WDR1: variants seen among roughly 807,000 people sequenced by gnomAD.
The protein encoded by WDR1 is WD repeat-containing protein 1.
Under a neutral mutation model 71.9 loss-of-function variants are expected in WDR1, and 21 were observed. That is an observed-to-expected ratio of 0.29 (90% CI 0.21 to 0.42). The LOEUF (loss-of-function observed/expected upper bound fraction) is 0.42, where lower values mean the gene tolerates loss of function less well. WDR1 is among the 10% of genes least tolerant of loss of function. WDR1 has a pLI of 1.00. For synonymous variants in WDR1, 424 were observed against 347.4 expected (o/e 1.22, Z -2.45); for missense variants, 696 against 824.5 (o/e 0.84, Z 1.91).
At chr4:10,103,144 G>A (rs1712782013) in intron 3 of WDR1, among the ~76,000 whole-genome samples, 8 of 152,182 alleles carry the variant, frequency 5.3e-5, no homozygotes, top group Admixed American at 5.2e-4. Flanking sequence ...AGCCCAGGCT[G>A]CAGAGAGCAA....
At chr4:10,116,586 G>A (rs1713753289) in intron 1 of WDR1, 65 bp downstream of exon 1, 3 of 1,135,462 alleles carry the variant, frequency 2.6e-6, no homozygotes, top group African/African-American at 1.6e-5. Flanking sequence ...ACGGCGCCTA[G>A]GGGCCGGGGA....
intron 5 of WDR1, chr4:10,093,168 C>A: frequency 7.8e-7 from 1 of 1,287,918 alleles, no homozygotes; most frequent in Non-Finnish European, 1.0e-6. Context: ...ATGCTCACTA[C>A]CTACCTAGTC....
intron 8 of WDR1, among the ~76,000 whole-genome samples, chr4:10,086,186 C>T (rs1035484581): frequency 1.3e-5 from 2 of 152,228 alleles, no homozygotes; most frequent in African/African-American, 4.8e-5. Context: ...CTTGGAGGCC[C>T]ACTGGAGCAT....
intron 12 of WDR1, chr4:10,078,688 G>C (rs1171204665): frequency 4.5e-5 from 24 of 527,990 alleles, no homozygotes; most frequent in Non-Finnish European, 8.1e-5. Flanking sequence ...AAGTGCCGAG[G>C]AGGGGAGGGG....
intron 2 of WDR1, among the ~76,000 whole-genome samples, chr4:10,114,437 G>A (rs1713582236): frequency 6.6e-6 from 1 of 152,218 alleles, no homozygotes; most frequent in Non-Finnish European, 1.5e-5. Context: ...ACGGACCCAT[G>A]TGGGGTGGAA....
At chr4:10,113,244 C>T (rs1239734574) in intron 2 of WDR1, among the ~76,000 whole-genome samples, 3 of 152,118 alleles carry the variant, frequency 2.0e-5, no homozygotes, top group Non-Finnish European at 4.4e-5. Flanking sequence ...ACCTGTAGTC[C>T]CCACTACTCG....
chr4:10,075,689 C>G (rs1325074161), intron 14 of WDR1: 1 of 597,038 alleles, frequency 1.7e-6, no homozygotes, highest in Non-Finnish European at 3.0e-6. Flanking sequence ...GGCCGGGTAC[C>G]TCTTTTTTGT....
rs535961384 is a variant in WDR1, at chr4:10,081,707, T to C, written c.1197-263A>G. ...GGCGGGAGGCGGTGAAAGGCGTTGA[T>C]TATGCTCCTATTTATCTGTGGTAAG... On this transcript the variant is annotated intron_variant, in intron 10 of 14. Coordinates refer to ENST00000499869, the MANE Select transcript of WDR1 (RefSeq NM_017491.5). 6.6e-5 allele frequency among the ~76,000 whole-genome samples: 10 copies of C among 150,630 alleles called. 1 individual carries two copies. Among genetic ancestry groups the C allele is most frequent in the African/African-American group, 2.4e-4 (10 of 41,134 alleles).
intron 10 of WDR1, 51 bp downstream of exon 10, chr4:10,082,971 C>T (rs964748927): frequency 1.3e-5 from 21 of 1,567,128 alleles, no homozygotes; most frequent in East Asian, 6.8e-5. Context: ...ACAAGCCCTC[C>T]GAGGGGAGCT....
At chr4:10,114,373 A>T (rs1351265932) in intron 2 of WDR1, among the ~76,000 whole-genome samples, 1 of 152,214 alleles carries the variant, frequency 6.6e-6, no homozygotes, top group African/African-American at 2.4e-5. Context: ...CATTAGAAGC[A>T]GCTCCAGTTA....
intron 11 of WDR1, 109 bp downstream of exon 11, chr4:10,081,248 C>G: frequency 1.9e-6 from 2 of 1,029,910 alleles, no homozygotes; most frequent in Non-Finnish European, 3.0e-6. Context: ...AATGAGCACT[C>G]AACCAAAACA....
chr4:10,082,903 G>T, intron 10 of WDR1, 119 bp downstream of exon 10: 1 of 1,297,212 alleles, frequency 7.7e-7, no homozygotes, highest in Non-Finnish European at 1.0e-6. Flanking sequence ...TGGGGACGGG[G>T]TGGGAGAGAT....
chr4:10,108,769 T>C (rs1208214507), intron 2 of WDR1, among the ~76,000 whole-genome samples: 1 of 152,202 alleles, frequency 6.6e-6, no homozygotes, highest in Non-Finnish European at 1.5e-5. Flanking sequence ...CTAATTATCT[T>C]TTAAGGCCCA....
At chr4:10,116,337 A>C in intron 1 of WDR1, 103 bp from the exon 2 acceptor site, 1 of 1,515,392 alleles carries the variant, frequency 6.6e-7, no homozygotes, top group Non-Finnish European at 9.0e-7. Flanking sequence ...TCACCTGTTG[A>C]CTGCGCCGGG....
chr4:10,093,919 C>G (rs1712167169), intron 5 of WDR1, among the ~76,000 whole-genome samples: 1 of 152,202 alleles, frequency 6.6e-6, no homozygotes, highest in Admixed American at 6.5e-5. Context: ...CTGTTTTGAG[C>G]TCAAATTTTC....
chr4:10,086,491 C>T (rs1046820813), intron 8 of WDR1, among the ~76,000 whole-genome samples: 1 of 152,176 alleles, frequency 6.6e-6, no homozygotes, highest in Non-Finnish European at 1.5e-5. Context: ...GCCCCTTCCT[C>T]GTGGGCAAAC....
intron 10 of WDR1, 46 bp downstream of exon 10, chr4:10,082,976 G>C (rs1200639580): frequency 1.3e-6 from 2 of 1,571,886 alleles, no homozygotes; most frequent in South Asian, 2.3e-5. Context: ...CCCTCCGAGG[G>C]GAGCTGAGGC....
At chr4:10,088,454 T>C in intron 6 of WDR1, 81 bp from the exon 7 acceptor site, 2 of 1,409,164 alleles carry the variant, frequency 1.4e-6, no homozygotes, top group African/African-American at 1.4e-5. Context: ...ACTGTGGCTG[T>C]AGAAAACCGG....
At chr4:10,101,714 A>C (rs1200743641) in intron 3 of WDR1, among the ~76,000 whole-genome samples, 1 of 152,248 alleles carries the variant, frequency 6.6e-6, no homozygotes, top group Non-Finnish European at 1.5e-5. Flanking sequence ...GGGACAGGGC[A>C]GGCCTGGGCC....
Sources: allele counts gnomAD v4.1 joint callset (sites outside exome capture counted in the v4.1 genomes callset), GRCh38; gene constraint gnomAD v4.1.1; transcripts MANE v1.5; gene names NCBI Gene and HGNC (gene_info 2026-07-23, HGNC 2026-07-21).